The following ZNF385B variants were observed in gnomAD, a reference collection of about 807,000 sequenced individuals.
The protein encoded by ZNF385B is zinc finger protein 385B.
Under a neutral mutation model 39.2 loss-of-function variants are expected in ZNF385B, and 23 were observed. The observed-to-expected ratio is 0.59, with a 90% confidence interval of 0.42 to 0.83. The LOEUF is 0.83. ZNF385B is among the 40% of genes least tolerant of loss of function. The probability of loss-of-function intolerance (pLI) is 0.00; values close to 1 mark genes in which losing one functional copy is unlikely to be tolerated. For synonymous variants in ZNF385B, 205 were observed against 222.6 expected (o/e 0.92, Z 0.70); for missense variants, 552 against 598.9 (o/e 0.92, Z 0.82).
intron 3 of ZNF385B, among the ~76,000 whole-genome samples, chr2:179,758,900 T>TA: frequency 6.6e-6 from 1 of 152,122 alleles, no homozygotes; most frequent in Non-Finnish European, 1.5e-5. Context: ...GAATCATAAT[T>TA]AAAAAAACAT....
At chr2:179,823,203 T>TC (rs1389432361) in intron 1 of ZNF385B, among the ~76,000 whole-genome samples, 1 of 152,058 alleles carries the variant, frequency 6.6e-6, no homozygotes, top group South Asian at 2.1e-4. Flanking sequence ...CTGGGTCTTA[T>TC]CCCCCCATAT....
intron 3 of ZNF385B, among the ~76,000 whole-genome samples, chr2:179,761,092 ATCTCTC>A (rs149505417): frequency 1.3e-5 from 2 of 150,240 alleles, no homozygotes; most frequent in African/African-American, 4.9e-5. Flanking sequence ...AGTCTTTTTC[ATCTCTC>A]TCTCTCTCTC....
At chr2:179,491,573 C>G (rs1559329338) in intron 5 of ZNF385B, among the ~76,000 whole-genome samples, 1 of 151,932 alleles carries the variant, frequency 6.6e-6, no homozygotes, top group Non-Finnish European at 1.5e-5. Flanking sequence ...ATAATGGGAA[C>G]CATTATAATT....
At chr2:179,840,704 C>T (rs1708491915) in intron 1 of ZNF385B, among the ~76,000 whole-genome samples, 1 of 152,198 alleles carries the variant, frequency 6.6e-6, no homozygotes, top group Non-Finnish European at 1.5e-5. Flanking sequence ...CCTCCCATAA[C>T]CAATCATTCA....
At chr2:179,714,789 T>C (rs184045012) in intron 3 of ZNF385B, among the ~76,000 whole-genome samples, 1 of 150,586 alleles carries the variant, frequency 6.6e-6, no homozygotes, top group Non-Finnish European at 1.5e-5. Flanking sequence ...CTACTAAAAC[T>C]ACAAAAAAAA....
intron 1 of ZNF385B, among the ~76,000 whole-genome samples, chr2:179,846,630 C>T (rs1708813917): frequency 6.6e-6 from 1 of 152,150 alleles, no homozygotes; most frequent in Non-Finnish European, 1.5e-5. Context: ...CCCAGAGGGC[C>T]CCCCAGCAAG....
At chr2:179,596,977 G>A (rs886246430) in intron 3 of ZNF385B, among the ~76,000 whole-genome samples, 9 of 152,144 alleles carry the variant, frequency 5.9e-5, no homozygotes, top group African/African-American at 1.9e-4. Context: ...CATAACTGAA[G>A]GAGACAATTC....
intron 3 of ZNF385B, among the ~76,000 whole-genome samples, chr2:179,736,101 AG>A (rs201374043): frequency 1.1e-4 from 17 of 152,132 alleles, no homozygotes; most frequent in East Asian, 7.7e-4. Flanking sequence ...AATGTGAAAA[AG>A]AAAAATAAAT....
intron 1 of ZNF385B, among the ~76,000 whole-genome samples, chr2:179,832,807 A>G (rs965884647): frequency 6.6e-6 from 1 of 152,238 alleles, no homozygotes; most frequent in African/African-American, 2.4e-5. Flanking sequence ...AACCGAATAC[A>G]CATTATGCAA....
intron 1 of ZNF385B, among the ~76,000 whole-genome samples, chr2:179,782,448 G>A (rs780027452): frequency 7.2e-5 from 11 of 151,970 alleles, no homozygotes; most frequent in African/African-American, 1.4e-4. Flanking sequence ...CTCTCTCACC[G>A]TTTCTATTCA....
Position 179,704,715 on chromosome 2 carries a change from AG to A in ZNF385B, c.298+64787del, listed in dbSNP as rs375518289. On this transcript the variant is annotated intron_variant, in intron 3 of 9. Transcript: ENST00000410066. ...GCCAAAGGTACTCTGAAGATGCCAA[AG>A]TTTCTTCTCCACCAGGATCTGTTGT... Among the ~76,000 whole-genome samples the A allele has an allele frequency of 3.8e-3, 585 of 152,346 alleles. 3 individuals carry two copies. Among genetic ancestry groups the A allele is most frequent in the South Asian group, 0.018 (89 of 4,822 alleles).
chr2:179,598,534 TG>T (rs1444377464), intron 3 of ZNF385B, among the ~76,000 whole-genome samples: 1 of 152,154 alleles, frequency 6.6e-6, no homozygotes, highest in Non-Finnish European at 1.5e-5. Flanking sequence ...TATTTGAATA[TG>T]TCAAATATGA....
chr2:179,627,043 T>C (rs1652911768), intron 3 of ZNF385B, among the ~76,000 whole-genome samples: 1 of 152,164 alleles, frequency 6.6e-6, no homozygotes, highest in Non-Finnish European at 1.5e-5. Flanking sequence ...CAATTCCAGA[T>C]CACATTGGAC....
intron 5 of ZNF385B, among the ~76,000 whole-genome samples, chr2:179,507,385 A>G (rs992468392): frequency 1.3e-5 from 2 of 152,088 alleles, no homozygotes; most frequent in African/African-American, 4.8e-5. Context: ...AATCCTGACC[A>G]TCTCTCAAGT....
intron 3 of ZNF385B, among the ~76,000 whole-genome samples, chr2:179,723,343 A>G (rs1700808654): frequency 6.6e-6 from 1 of 152,222 alleles, no homozygotes; most frequent in African/African-American, 2.4e-5. Flanking sequence ...ACATATGTAT[A>G]TACGTGAATG....
At chr2:179,859,478 T>C (rs1684869132) in intron 1 of ZNF385B, among the ~76,000 whole-genome samples, 2 of 152,162 alleles carry the variant, frequency 1.3e-5, no homozygotes, top group African/African-American at 4.8e-5. Context: ...TGCAAAACAT[T>C]GTATCACCAA....
chr2:179,644,384 C>T (rs957296496), intron 3 of ZNF385B, among the ~76,000 whole-genome samples: 1 of 152,052 alleles, frequency 6.6e-6, no homozygotes. Context: ...TGTCATATAG[C>T]TAGATCGCAA....
rs568868901 is a variant in ZNF385B, at chr2:179,549,881, A to AT, written c.299-4913dup. ...CAGCCAAAAGTATAGATTGAGAGTAATTTTTTTTTTTCTGATGCTCAAGTA... is the reference window on the plus strand; with the variant it reads ...CAGCCAAAAGTATAGATTGAGAGTAATTTTTTTTTTTTCTGATGCTCAAGTA... On this transcript the variant is annotated intron_variant, in intron 3 of 9. Transcript: ENST00000410066. Among the ~76,000 whole-genome samples the AT allele has an allele frequency of 3.7e-4, 54 of 144,492 alleles. 2 individuals are homozygous for AT. The highest frequency in any genetic ancestry group is 4.5e-4 in the South Asian group (2 of 4,494). The allele number at this position is 144,492 out of a possible 152,430, so 94.8% of individuals were successfully genotyped here.
intron 3 of ZNF385B, among the ~76,000 whole-genome samples, chr2:179,714,005 T>C (rs868391438): frequency 1.3e-5 from 2 of 152,340 alleles, no homozygotes; most frequent in Middle Eastern, 3.4e-3. Flanking sequence ...GGAAAGGTTC[T>C]AAGCAAAATG....
Sources: gnomAD v4.1 joint callset for allele counts (sites outside exome capture counted in the v4.1 genomes callset) on GRCh38, gnomAD v4.1.1 for gene constraint, MANE v1.5 for transcripts, NCBI Gene and HGNC (gene_info 2026-07-23, HGNC 2026-07-21) for gene names.